Variants in COL22A1 observed in about 807,000 individuals in gnomAD.
COL22A1 encodes collagen type XXII alpha 1 chain.
Under a neutral mutation model 248.9 loss-of-function variants are expected in COL22A1, and 221 were observed. That is an observed-to-expected ratio of 0.89 (90% CI 0.80 to 0.99). The LOEUF (loss-of-function observed/expected upper bound fraction) is 0.99. COL22A1 is among the 50% of genes least tolerant of loss of function. The pLI is 0.00. For synonymous variants in COL22A1, 891 were observed against 793.4 expected (o/e 1.12, Z -2.07); for missense variants, 2,240 against 2,179.0 (o/e 1.03, Z -0.56).
chr8:138,681,636 GGCTGTGT>G (rs970945328), intron 39 of COL22A1, among the ~76,000 whole-genome samples: 6 of 152,096 alleles, frequency 3.9e-5, no homozygotes, highest in Non-Finnish European at 8.8e-5. Flanking sequence ...GATCGGACTG[GGCTGTGT>G]GCACCACATC....
At chr8:138,614,607 C>T (rs945928324) in intron 55 of COL22A1, among the ~76,000 whole-genome samples, 1 of 152,200 alleles carries the variant, frequency 6.6e-6, no homozygotes, top group African/African-American at 2.4e-5. Context: ...ACCTCAGTCA[C>T]ATTCCTGCCT....
At chr8:138,855,132 G>C (rs1409458226) in intron 3 of COL22A1, among the ~76,000 whole-genome samples, 3 of 152,096 alleles carry the variant, frequency 2.0e-5, no homozygotes, top group African/African-American at 7.2e-5. Flanking sequence ...GATAAGGATG[G>C]GATAAAAGAA....
At chr8:138,653,316 C>T (rs1822926360) in intron 45 of COL22A1, among the ~76,000 whole-genome samples, 1 of 152,182 alleles carries the variant, frequency 6.6e-6, no homozygotes, top group African/African-American at 2.4e-5. Context: ...AACTCACTAG[C>T]TGCCTGGACT....
chr8:138,678,408 G>GCCCT (rs1444481678), intron 40 of COL22A1, among the ~76,000 whole-genome samples: 1 of 152,052 alleles, frequency 6.6e-6, no homozygotes, highest in African/African-American at 2.4e-5. Context: ...CCCTTGCCCT[G>GCCCT]CCCTCATCTC....
intron 56 of COL22A1, among the ~76,000 whole-genome samples, chr8:138,609,575 G>A (rs547317311): frequency 1.3e-5 from 2 of 152,278 alleles, no homozygotes; most frequent in East Asian, 1.9e-4. Context: ...GCCCTTCCGC[G>A]AACGCTGCAT....
At chr8:138,657,289 A>T (rs1387190932) in intron 44 of COL22A1, among the ~76,000 whole-genome samples, 1 of 152,218 alleles carries the variant, frequency 6.6e-6, no homozygotes, top group African/African-American at 2.4e-5. Flanking sequence ...TTTAAAAGGG[A>T]AAGGTGTTTT....
intron 3 of COL22A1, among the ~76,000 whole-genome samples, chr8:138,851,550 C>T (rs757960490): frequency 6.6e-6 from 1 of 152,146 alleles, no homozygotes; most frequent in Non-Finnish European, 1.5e-5. Flanking sequence ...TCAAATGGCC[C>T]AAGGGTTCCT....
chr8:138,737,196 C>T (rs2131254075), intron 23 of COL22A1, among the ~76,000 whole-genome samples: 1 of 152,332 alleles, frequency 6.6e-6, no homozygotes, highest in East Asian at 1.9e-4. Flanking sequence ...CAAGCCTCTT[C>T]ATGACTGATT....
At position 138,684,413 on chromosome 8, in the gene COL22A1, A is replaced by G. The variant is rs1826186226; in HGVS notation, c.3012+12T>C. On this transcript the variant is annotated intron_variant, in intron 39 of 64. Transcript: ENST00000303045. ...CTCGTGGCACCCACAGTTTTCTTGG[A>G]CAAGCACTCACCTTGGTTCCTAGGG... The G allele has an allele frequency of 6.2e-7, 1 of 1,601,118 alleles. No homozygotes were observed. The highest frequency in any genetic ancestry group is 8.6e-7 in the Non-Finnish European group (1 of 1,168,162).
At chr8:138,882,502 T>C (rs1188281772) in intron 2 of COL22A1, among the ~76,000 whole-genome samples, 2 of 143,914 alleles carry the variant, frequency 1.4e-5, no homozygotes, top group Non-Finnish European at 3.0e-5. Flanking sequence ...CCTCACACAC[T>C]TCGTCAAACA....
At chr8:138,599,759 G>T (rs991267437) in intron 60 of COL22A1, among the ~76,000 whole-genome samples, 15 of 152,140 alleles carry the variant, frequency 9.9e-5, no homozygotes, top group African/African-American at 3.4e-4. Context: ...AAGAAAACAT[G>T]CAAGGCACAG....
At chr8:138,737,644 G>A in intron 22 of COL22A1, 67 bp from the exon 23 acceptor site, 2 of 1,034,310 alleles carry the variant, frequency 1.9e-6, no homozygotes, top group South Asian at 2.6e-5. Flanking sequence ...GTTTAATAAT[G>A]AGTCTCGGTG....
chr8:138,688,315 G>A (rs569326838), intron 37 of COL22A1, among the ~76,000 whole-genome samples: 37 of 152,166 alleles, frequency 2.4e-4, no homozygotes, highest in Non-Finnish European at 2.6e-4. Flanking sequence ...GAGTCCAGGA[G>A]TTTGAGACCA....
At chr8:138,760,180 C>T (rs899385694) in intron 18 of COL22A1, 63 bp downstream of exon 18, 24 of 1,373,278 alleles carry the variant, frequency 1.7e-5, no homozygotes, top group South Asian at 1.2e-4. Flanking sequence ...TTTGCCAAGG[C>T]GGGCAGTCCC....
At position 138,826,787 on chromosome 8, in the gene COL22A1, G is replaced by T. The variant is rs1819619532; in HGVS notation, c.846-6C>A. The T allele has an allele frequency of 1.2e-6, 2 of 1,613,786 alleles. No homozygotes were observed. The highest frequency in any genetic ancestry group is 1.3e-5 in the African/African-American group (1 of 74,938). On this transcript the variant is annotated splice_region_variant and splice_polypyrimidine_tract_variant and intron_variant, in intron 5 of 64. Coordinates refer to ENST00000303045, the MANE Select transcript of COL22A1 (RefSeq NM_152888.3). ...AACCTTGGGGGAACACATCCCTGGAGAAAAATGGAGACAAAGACACCAGGC... is the reference window on the plus strand; with the variant it reads ...AACCTTGGGGGAACACATCCCTGGATAAAAATGGAGACAAAGACACCAGGC...
intron 3 of COL22A1, among the ~76,000 whole-genome samples, chr8:138,864,156 G>C (rs1475733710): frequency 1.3e-5 from 2 of 152,014 alleles, no homozygotes; most frequent in African/African-American, 4.8e-5. Context: ...CGCACTTCAG[G>C]ATCTGGACCT....
chr8:138,897,551 GTAATAATAATAA>G (rs33953970), intron 1 of COL22A1, among the ~76,000 whole-genome samples: 1 of 150,024 alleles, frequency 6.7e-6, no homozygotes, highest in South Asian at 2.1e-4. Flanking sequence ...CTGTCTCAAA[GTAATAATAATAA>G]TAATAATAAT....
At chr8:138,735,981 A>G (rs1395966113) in intron 23 of COL22A1, among the ~76,000 whole-genome samples, 1 of 152,066 alleles carries the variant, frequency 6.6e-6, no homozygotes, top group Admixed American at 6.5e-5. Context: ...CTGCTTTACC[A>G]CAGCTCCAGG....
Position 138,762,368 on chromosome 8 carries a change from T to TGACC in COL22A1, c.1857+41_1857+44dup, listed in dbSNP as rs888478015. ...GTGGGGTCTGGTCATTCCCATCCTCTGACCGCTGATGAAACCTAGCCCAAC... is the reference window on the plus strand; with the variant it reads ...GTGGGGTCTGGTCATTCCCATCCTCTGACCGACCGCTGATGAAACCTAGCCCAAC... On this transcript the variant is annotated intron_variant, in intron 17 of 64. Transcript: ENST00000303045. 3.1e-6 allele frequency: 5 copies of TGACC among 1,596,150 alleles called. No homozygotes were observed. In the African/African-American group the frequency reaches 6.7e-5, roughly 21 times the overall value.
Sources: allele counts gnomAD v4.1 joint callset (sites outside exome capture counted in the v4.1 genomes callset), GRCh38; gene constraint gnomAD v4.1.1; transcripts MANE v1.5; gene names NCBI Gene and HGNC (gene_info 2026-07-23, HGNC 2026-07-21).